R3HDM1: variants seen among roughly 807,000 people sequenced by gnomAD.
The protein encoded by R3HDM1 is R3H domain-containing protein 1.
R3HDM1 carries 46 observed loss-of-function variants against 141.1 expected under a neutral mutation model. The ratio of observed to expected loss-of-function variants is 0.33; its 90% confidence interval spans 0.26 to 0.42. The LOEUF (loss-of-function observed/expected upper bound fraction) is 0.42. R3HDM1 is among the 10% of genes least tolerant of loss of function. R3HDM1 has a pLI of 1.00. For missense variants in R3HDM1, 1,184 were observed against 1,368.3 expected (o/e 0.87, Z 2.12); for synonymous variants, 435 against 472.9 (o/e 0.92, Z 1.04).
chr2:135,563,250 C>T (rs1573839645), intron 1 of R3HDM1, among the ~76,000 whole-genome samples: 1 of 152,284 alleles, frequency 6.6e-6, no homozygotes, highest in East Asian at 1.9e-4. Flanking sequence ...ATAATTTTTG[C>T]TTATGCACTG....
At chr2:135,557,813 T>C (rs1043109170) in intron 1 of R3HDM1, among the ~76,000 whole-genome samples, 3 of 152,140 alleles carry the variant, frequency 2.0e-5, no homozygotes, top group Non-Finnish European at 2.9e-5. Flanking sequence ...TTGAGTGATA[T>C]TATTACCAGG....
chr2:135,651,658 G>T lies in R3HDM1; in HGVS notation c.1726-72G>T. 2.0e-6 allele frequency: 3 copies of T among 1,490,530 alleles called. No homozygotes were observed. In the East Asian group the frequency reaches 6.9e-5, roughly 34 times the overall value. 92.3% of individuals were successfully genotyped at this position (1,490,530 alleles called of 1,614,324 possible). A position where few individuals can be genotyped will look rare whatever the true frequency, so the allele number is the denominator to read the frequency against. The stretch of plus-strand genomic sequence containing the variant: ...ACTATTGCATCTTATTTAAAAATAG[G>T]AAGTATTTTTCTTTGATAAGTTTGG... On this transcript the variant is annotated intron_variant, in intron 17 of 26. Coordinates refer to ENST00000683871, the MANE Select transcript of R3HDM1 (RefSeq NM_001378107.1).
chr2:135,538,982 G>A (rs1445978841), intron 1 of R3HDM1, among the ~76,000 whole-genome samples: 2 of 152,074 alleles, frequency 1.3e-5, no homozygotes. Flanking sequence ...AAACCAAGAT[G>A]TAAACACATG....
At chr2:135,570,640 A>G (rs1703900079) in intron 1 of R3HDM1, among the ~76,000 whole-genome samples, 1 of 152,236 alleles carries the variant, frequency 6.6e-6, no homozygotes, top group Non-Finnish European at 1.5e-5. Context: ...ACCTAGGATA[A>G]AAATTAGTTC....
At chr2:135,714,801 G>A (rs1156988304) in intron 23 of R3HDM1, among the ~76,000 whole-genome samples, 1 of 151,650 alleles carries the variant, frequency 6.6e-6, no homozygotes, top group East Asian at 1.9e-4. Context: ...AGAGAAAGCA[G>A]TGTAATAAAA....
chr2:135,669,240 C>T (rs2067968787), intron 19 of R3HDM1: 1 of 985,230 alleles, frequency 1.0e-6, no homozygotes. Context: ...CTGTTCCTCC[C>T]ACAGAGAGGA....
Position 135,700,634 on chromosome 2 carries a change from T to C in R3HDM1, c.2460-8799T>C, listed in dbSNP as rs528200925. 2.6e-5 allele frequency among the ~76,000 whole-genome samples: 4 copies of C among 152,380 alleles called. No homozygotes were observed. The South Asian group carries it at 6.2e-4, about 24-fold the overall frequency. On this transcript the variant is annotated intron_variant, in intron 21 of 26. Coordinates refer to ENST00000683871, the MANE Select transcript of R3HDM1 (RefSeq NM_001378107.1). ...GTCACTAAAAGCTGTAGTAGATGTA[T>C]GACTTGCTTTTCAAATGAATCAATT...
At position 135,680,264 on chromosome 2, in the gene R3HDM1, C is replaced by G. The variant is rs1173072405; in HGVS notation, c.2399C>G (p.Pro800Arg). 1.2e-6 allele frequency: 2 copies of G among 1,613,928 alleles called. No homozygotes were observed. Among genetic ancestry groups the G allele is most frequent in the African/African-American group, 2.7e-5 (2 of 74,994 alleles). Reference sequence around the variant, plus strand: ...AATCAGTCTAATCAAGGATCTATGCCCACAACAGGAATGCCTGTTTACTAT... The same window carrying G: ...AATCAGTCTAATCAAGGATCTATGCGCACAACAGGAATGCCTGTTTACTAT... Reference protein sequence around the residue: ...FPNQSNQGSMPTTGMPVYYSV... With the variant: ...FPNQSNQGSMRTTGMPVYYSV... The change falls in exon 21 of 27, where the codon CCC becomes CGC. Residue 800 changes from proline to arginine, a missense_variant. Physicochemically the swap from Pro to Arg is moderately radical, Grantham distance 103. Transcript: ENST00000683871.
chr2:135,661,324 C>A lies in R3HDM1; in HGVS notation c.2083C>A (p.Arg695Ser). Reference sequence around the variant, plus strand: ...CTATCACTCCAGCCAACCTCAGTATCGCCCAGTCCCTTCTGTTCATTACAA... The same window carrying A: ...CTATCACTCCAGCCAACCTCAGTATAGCCCAGTCCCTTCTGTTCATTACAA... Reference protein sequence around the residue: ...GHYHSSQPQYRPVPSVHYNSH... With the variant: ...GHYHSSQPQYSPVPSVHYNSH... The change falls in exon 19 of 27, where the codon CGC becomes AGC. Residue 695 changes from arginine (R) to serine (S), a missense_variant. Physicochemically the swap from Arg to Ser is moderately radical, Grantham distance 110. Coordinates refer to ENST00000683871, the MANE Select transcript of R3HDM1 (RefSeq NM_001378107.1). The A allele has an allele frequency of 1.2e-6, 2 of 1,613,784 alleles. No homozygotes were observed. The highest frequency in any genetic ancestry group is 1.7e-6 in the Non-Finnish European group (2 of 1,179,688).
chr2:135,596,314 A>G (rs895930428), intron 1 of R3HDM1, among the ~76,000 whole-genome samples: 6 of 152,152 alleles, frequency 3.9e-5, no homozygotes, highest in African/African-American at 1.4e-4. Context: ...TAAGCTTCTA[A>G]TCTTAATTTC....
At chr2:135,645,868 T>C (rs2064338033) in intron 16 of R3HDM1, among the ~76,000 whole-genome samples, 1 of 152,186 alleles carries the variant, frequency 6.6e-6, no homozygotes, top group Admixed American at 6.5e-5. Flanking sequence ...GTGAGTTGTT[T>C]TAAGATTCCA....
chr2:135,719,749 T>TG (rs1223620420), intron 24 of R3HDM1, among the ~76,000 whole-genome samples: 1 of 152,222 alleles, frequency 6.6e-6, no homozygotes, highest in Non-Finnish European at 1.5e-5. Flanking sequence ...CAATGTTCTC[T>TG]GTATTCTGTT....
intron 16 of R3HDM1, among the ~76,000 whole-genome samples, chr2:135,647,751 T>C (rs1456479821): frequency 6.6e-6 from 1 of 152,214 alleles, no homozygotes; most frequent in Non-Finnish European, 1.5e-5. Flanking sequence ...TTCCAAAGCC[T>C]TCAGAAGGGC....
intron 19 of R3HDM1, among the ~76,000 whole-genome samples, chr2:135,674,461 T>C (rs1351306459): frequency 6.6e-6 from 1 of 152,224 alleles, no homozygotes; most frequent in Non-Finnish European, 1.5e-5. Context: ...TAAAAAACTT[T>C]GTGGGTAGCA....
chr2:135,615,789 T>G (rs2060972351), intron 3 of R3HDM1, among the ~76,000 whole-genome samples: 1 of 152,202 alleles, frequency 6.6e-6, no homozygotes, highest in South Asian at 2.1e-4. Flanking sequence ...TTCTTTTTCC[T>G]TAACCTTGGC....
At chr2:135,714,324 A>G (rs967547228) in intron 23 of R3HDM1, among the ~76,000 whole-genome samples, 57 of 152,200 alleles carry the variant, frequency 3.7e-4, no homozygotes, top group Non-Finnish European at 7.5e-4. Context: ...TTTAATGAGG[A>G]GACAGCAGAC....
intron 9 of R3HDM1, among the ~76,000 whole-genome samples, chr2:135,635,101 A>G (rs763535623): frequency 3.3e-5 from 5 of 152,234 alleles, no homozygotes; most frequent in African/African-American, 7.2e-5. Flanking sequence ...TTTGACTTCT[A>G]TAAAAGAACA....
intron 1 of R3HDM1, among the ~76,000 whole-genome samples, chr2:135,591,305 G>A (rs560325554): frequency 1.7e-4 from 26 of 152,286 alleles, no homozygotes; most frequent in Non-Finnish European, 2.8e-4. Context: ...TGGGTAAAAA[G>A]TATATAGAGA....
chr2:135,565,715 T>C (rs1024811646), intron 1 of R3HDM1: 1 of 152,182 alleles, frequency 6.6e-6, no homozygotes, highest in Non-Finnish European at 1.5e-5. Context: ...TGATTTTCTT[T>C]TTTTTTTCTT....
Sources: allele counts gnomAD v4.1 joint callset (sites outside exome capture counted in the v4.1 genomes callset), GRCh38; gene constraint gnomAD v4.1.1; transcripts MANE v1.5; gene names NCBI Gene and HGNC (gene_info 2026-07-23, HGNC 2026-07-21).